The following ZNF451 variants were observed in gnomAD, a reference collection of about 807,000 sequenced individuals.
ZNF451 encodes E3 SUMO-protein ligase ZNF451.
ZNF451 carries 80 observed loss-of-function variants against 107.1 expected under a neutral mutation model. That is an observed-to-expected ratio of 0.75 (90% CI 0.62 to 0.90). ZNF451 has a LOEUF of 0.90. Among genes scored for constraint, ZNF451 ranks in the 40% least tolerant of loss-of-function variants. The pLI is 0.00. For missense variants in ZNF451, 1,107 were observed against 1,236.2 expected (o/e 0.90, Z 1.57); for synonymous variants, 362 against 406.5 (o/e 0.89, Z 1.32).
At chr6:57,103,148 C>CG in intron 3 of ZNF451, 1 of 985,406 alleles carries the variant, frequency 1.0e-6, no homozygotes, top group Non-Finnish European at 1.2e-6. Context: ...ACTCCTAAGA[C>CG]CAAGAATTCC....
At chr6:57,106,536 C>A in intron 3 of ZNF451, 1 of 888,698 alleles carries the variant, frequency 1.1e-6, no homozygotes, top group Non-Finnish European at 1.3e-6. Context: ...AAACTCCTGA[C>A]CTCAAGTGAT....
intron 3 of ZNF451, chr6:57,109,020 A>G (rs1829996011): frequency 2.0e-6 from 2 of 985,378 alleles, no homozygotes; most frequent in Non-Finnish European, 2.4e-6. Flanking sequence ...ACATACACAA[A>G]TCTTTTCATT....
chr6:57,113,992 A>C (rs1593103230), intron 3 of ZNF451, among the ~76,000 whole-genome samples: 1 of 152,118 alleles, frequency 6.6e-6, no homozygotes, highest in Non-Finnish European at 1.5e-5. Flanking sequence ...ACCATACTAC[A>C]TTTTCAGGAT....
In ZNF451 at chr6:57,122,006, A is replaced by ATAC. The variant is rs1830661590; in HGVS notation, c.187-2727_187-2726insACT. The stretch of plus-strand genomic sequence containing the variant: ...ACAAGGCTACAGTAACCAAACCAGT[A>ATAC]TGGTACTGTTATAAAAATAGACACG... On this transcript the variant is annotated intron_variant, in intron 3 of 14. Coordinates refer to ENST00000370706, the MANE Select transcript of ZNF451 (RefSeq NM_001031623.3). 2.6e-5 allele frequency among the ~76,000 whole-genome samples: 4 copies of ATAC among 152,352 alleles called. No homozygotes were observed. In the East Asian group the frequency reaches 7.7e-4, roughly 29 times the overall value.
intron 3 of ZNF451, chr6:57,109,556 C>T: frequency 1.0e-6 from 1 of 985,190 alleles, no homozygotes; most frequent in Non-Finnish European, 1.2e-6. Flanking sequence ...ATATGGTATT[C>T]TATGGTATTG....
chr6:57,161,023 T>C, intron 13 of ZNF451, 61 bp from the exon 14 acceptor site: 1 of 1,084,284 alleles, frequency 9.2e-7, no homozygotes, highest in Non-Finnish European at 1.3e-6. Context: ...TTATTGAAAA[T>C]AATATTGAGA....
In ZNF451 at chr6:57,169,033, A is replaced by G. The variant is rs1473939384; in HGVS notation, c.*564A>G. The stretch of plus-strand genomic sequence containing the variant: ...ATCAGCAATGTTCTTTGTGGGTGCC[A>G]TGCATATGTAAATTATTGCTTTAAT... On this transcript the variant is annotated 3_prime_UTR_variant, in exon 15 of 15. Coordinates refer to ENST00000370706, the MANE Select transcript of ZNF451 (RefSeq NM_001031623.3). 6.6e-6 allele frequency: 1 copy of G among 152,194 alleles called. No homozygotes were observed. The highest frequency in any genetic ancestry group is 1.5e-5 in the Non-Finnish European group (1 of 68,018). The allele number at this position is 152,194 out of a possible 1,614,324, so 9.4% of individuals were successfully genotyped here. A position where few individuals can be genotyped will look rare whatever the true frequency, so the allele number is the denominator to read the frequency against.
At chr6:57,113,615 A>C (rs1379630394) in intron 3 of ZNF451, among the ~76,000 whole-genome samples, 6 of 151,694 alleles carry the variant, frequency 4.0e-5, no homozygotes, top group Admixed American at 3.9e-4. Context: ...TTCTGAGAAA[A>C]AAAAATTTTT....
chr6:57,119,965 C>T (rs986591181), intron 3 of ZNF451, among the ~76,000 whole-genome samples: 1 of 151,968 alleles, frequency 6.6e-6, no homozygotes, highest in African/African-American at 2.4e-5. Flanking sequence ...AGGGTTCACA[C>T]TTGGTGTTAT....
At chr6:57,134,978 A>G in intron 7 of ZNF451, 108 bp downstream of exon 7, 2 of 873,776 alleles carry the variant, frequency 2.3e-6, no homozygotes, top group Non-Finnish European at 3.4e-6. Context: ...TGATACACAT[A>G]AGTATCAAAA....
At chr6:57,147,064 T>G (rs1832100991) in intron 9 of ZNF451, 26 bp from the exon 10 acceptor site, 2 of 1,551,508 alleles carry the variant, frequency 1.3e-6, no homozygotes, top group East Asian at 4.5e-5. Flanking sequence ...TCTGAAAGAC[T>G]TTCTATTTCT....
At chr6:57,108,843 C>T (rs1593094730) in intron 3 of ZNF451, 1 of 985,342 alleles carries the variant, frequency 1.0e-6, no homozygotes, top group Non-Finnish European at 1.2e-6. Context: ...TCTTATTTTG[C>T]AGAAGAAGAA....
At chr6:57,101,256 G>C (rs200941400) in intron 3 of ZNF451, 4 of 1,550,948 alleles carry the variant, frequency 2.6e-6, no homozygotes, top group Non-Finnish European at 3.5e-6. Flanking sequence ...AATCTGAAGC[G>C]GAGTCATGTG....
chr6:57,140,523 A>G (rs1831699612), intron 7 of ZNF451, among the ~76,000 whole-genome samples: 1 of 152,186 alleles, frequency 6.6e-6, no homozygotes, highest in Non-Finnish European at 1.5e-5. Flanking sequence ...CCAGTCATAC[A>G]GTGTCTTTTA....
At chr6:57,112,704 C>T (rs2127949870) in intron 3 of ZNF451, among the ~76,000 whole-genome samples, 1 of 152,192 alleles carries the variant, frequency 6.6e-6, no homozygotes, top group Middle Eastern at 3.4e-3. Context: ...TGCTTTCTTC[C>T]TAGGTTATAT....
intron 7 of ZNF451, among the ~76,000 whole-genome samples, chr6:57,135,455 T>C (rs566024535): frequency 2.7e-4 from 41 of 152,234 alleles, no homozygotes; most frequent in Non-Finnish European, 5.3e-4. Context: ...TGAAAAATTT[T>C]TAAAATATTA....
At chr6:57,167,182 T>C (rs9475785) in intron 14 of ZNF451, among the ~76,000 whole-genome samples, 13,852 of 149,838 alleles carry the variant, frequency 0.092, 690 homozygotes, top group East Asian at 0.11. Context: ...CGTATATATA[T>C]ACACACACAC....
chr6:57,104,040 T>C, intron 3 of ZNF451: 5 of 985,174 alleles, frequency 5.1e-6, no homozygotes, highest in Non-Finnish European at 6.0e-6. Flanking sequence ...ATAAAGGGGA[T>C]ATTGTTTTGC....
intron 3 of ZNF451, chr6:57,106,223 A>T (rs1829847793): frequency 1.0e-6 from 1 of 985,242 alleles, no homozygotes; most frequent in East Asian, 1.1e-4. Flanking sequence ...TGAAGATATA[A>T]CTAGTTGACT....
Sources: allele counts gnomAD v4.1 joint callset (sites outside exome capture counted in the v4.1 genomes callset), GRCh38; gene constraint gnomAD v4.1.1; transcripts MANE v1.5; gene names NCBI Gene and HGNC (gene_info 2026-07-23, HGNC 2026-07-21).